The following TAS1R1 variants were observed in gnomAD, a reference collection of about 807,000 sequenced individuals.
TAS1R1 encodes taste receptor type 1 member 1.
A neutral mutation model predicts 45.8 loss-of-function variants in TAS1R1; 31 were observed. The observed-to-expected ratio is 0.68, with a 90% CI of 0.51 to 0.91. The LOEUF (loss-of-function observed/expected upper bound fraction) is 0.91. Among genes scored for constraint, TAS1R1 ranks in the 40% least tolerant of loss-of-function variants. The probability of loss-of-function intolerance (pLI) is 0.00; values close to 1 mark genes in which losing one functional copy is unlikely to be tolerated. For synonymous variants in TAS1R1, 437 were observed against 448.4 expected (o/e 0.97, Z 0.32); for missense variants, 1,051 against 1,063.9 (o/e 0.99, Z 0.17).
chr1:6,560,608 C>T (rs551489083), intron 1 of TAS1R1, among the ~76,000 whole-genome samples: 2 of 152,248 alleles, frequency 1.3e-5, no homozygotes, highest in Non-Finnish European at 2.9e-5. Flanking sequence ...GGGCCTTTGC[C>T]GGGTTGGGTC....
Position 6,575,090 on chromosome 1 carries a change from A to ATGG in TAS1R1, c.961_963dup (p.Val321dup), listed in dbSNP as rs766563597. 6.3e-7 allele frequency: 1 copy of ATGG among 1,590,414 alleles called. No homozygotes were observed. The highest frequency in any genetic ancestry group is 1.7e-5 in the Admixed American group (1 of 57,664). ...GGTGCCCGGGATCCAGCGCATTGGG[A>ATGG]TGGTGCTGGGCGTGGCCATCCAGAA... On this transcript the variant is annotated inframe_insertion, in exon 3 of 6. Coordinates refer to ENST00000333172, the MANE Select transcript of TAS1R1 (RefSeq NM_138697.4).
Position 6,576,950 on chromosome 1 carries a change from G to A in TAS1R1, c.1474G>A (p.Val492Met). 6.2e-7 allele frequency: 1 copy of A among 1,614,262 alleles called. No individual in the cohort carries two copies. The change falls in exon 5 of 6, where the codon GTG becomes ATG. Residue 492 changes from valine to methionine, a missense_variant and splice_region_variant. Coordinates refer to ENST00000333172, the MANE Select transcript of TAS1R1 (RefSeq NM_138697.4). ...KIQWHGKDNQ[V>M]PKSVCSSDCL... ...GTGTGGCCCCTCTGGCTTCTTACAG[G>A]TGCCTAAGTCTGTGTGTTCCAGCGA...
rs764801981 is a variant in TAS1R1 at position 6,571,009 on chromosome 1, C to T, written c.292C>T (p.Leu98=). 6.2e-7 allele frequency: 1 copy of T among 1,614,184 alleles called. No homozygotes were observed. The change falls in exon 2 of 6, where the codon CTG becomes TTG. Residue 98 remains leucine (L), a synonymous_variant. Coordinates refer to ENST00000333172, the MANE Select transcript of TAS1R1 (RefSeq NM_138697.4). ...CACGGCCCTGCTGCCCAACATCACC[C>T]TGGGGTACCAGCTGTATGATGTGTG... ...NSTALLPNIT[L]GYQLYDVCSD...
At chr1:6,568,614 T>G (rs1414400877) in intron 1 of TAS1R1, among the ~76,000 whole-genome samples, 1 of 152,160 alleles carries the variant, frequency 6.6e-6, no homozygotes, top group Non-Finnish European at 1.5e-5. Flanking sequence ...ATTTACAGGC[T>G]TATGGGCAGC....
chr1:6,555,786 G>GT (rs950130848), intron 1 of TAS1R1, among the ~76,000 whole-genome samples: 5 of 149,750 alleles, frequency 3.3e-5, no homozygotes, highest in Non-Finnish European at 5.9e-5. Flanking sequence ...GTGTTGTATT[G>GT]TAACTTCATT....
chr1:6,557,032 CGAA>C (rs1225981941), intron 1 of TAS1R1, among the ~76,000 whole-genome samples: 1 of 139,764 alleles, frequency 7.2e-6, no homozygotes, highest in African/African-American at 2.7e-5. Context: ...AAAAAAAAGA[CGAA>C]GACAGTTGCT....
In TAS1R1 at chr1:6,575,266, CA is replaced by C; in HGVS notation, c.1137del (p.Ala380ProfsTer4). On this transcript the variant is annotated frameshift_variant, in exon 3 of 6. Transcript: ENST00000333172. LOFTEE classifies it high-confidence loss of function. The stretch of plus-strand genomic sequence containing the variant: ...TCATGGCACACACGATGCCCAAGCT[CA>C]AAGCCTTCTCCATGAGTTCTGCCTA... ...AFMAHTMPKL[K>X]AFSMSSAYNA... 3.7e-6 allele frequency: 6 copies of C among 1,613,380 alleles called. No homozygotes were observed. Among genetic ancestry groups the C allele is most frequent in the Non-Finnish European group, 5.1e-6 (6 of 1,180,026 alleles).
chr1:6,558,198 C>A (rs770735569), intron 1 of TAS1R1, among the ~76,000 whole-genome samples: 6 of 151,846 alleles, frequency 4.0e-5, no homozygotes, highest in Non-Finnish European at 8.8e-5. Flanking sequence ...CACCACTTAC[C>A]GCTAATTTTT....
chr1:6,576,366 T>C, intron 3 of TAS1R1, 49 bp from the exon 4 acceptor site: 2 of 1,590,924 alleles, frequency 1.3e-6, no homozygotes, highest in Non-Finnish European at 1.7e-6. Context: ...TCTGGGACCA[T>C]GTGGGTCTGT....
intron 1 of TAS1R1, among the ~76,000 whole-genome samples, chr1:6,565,983 T>C (rs1639866292): frequency 6.6e-6 from 1 of 152,142 alleles, no homozygotes; most frequent in Non-Finnish European, 1.5e-5. Context: ...CTAAGTATGT[T>C]ACTGTTGGGG....
chr1:6,563,726 C>T (rs916408728), intron 1 of TAS1R1, among the ~76,000 whole-genome samples: 6 of 151,854 alleles, frequency 4.0e-5, no homozygotes, highest in East Asian at 1.9e-4. Flanking sequence ...GGTGTGGCTA[C>T]GTGGGGCAGC....
At chr1:6,564,504 G>A (rs539337211) in intron 1 of TAS1R1, among the ~76,000 whole-genome samples, 6 of 152,278 alleles carry the variant, frequency 3.9e-5, no homozygotes, top group Non-Finnish European at 7.4e-5. Context: ...TAGGGCTATG[G>A]GCAGAAGGGA....
rs1280718284 is a variant in TAS1R1, at chr1:6,560,322, A to G, written c.191+4758A>G. Among the ~76,000 whole-genome samples, 4 of 152,314 alleles carry G rather than the reference A, an allele frequency of 2.6e-5. No individual in the cohort carries two copies. In the East Asian group the frequency reaches 7.7e-4, roughly 29 times the overall value. On this transcript the variant is annotated intron_variant, in intron 1 of 5. Transcript: ENST00000333172. ...TGTAAGGTTAGCCGAGAGAAAGAAC[A>G]AGCAGACCCAAAGTCAGGCAAGCGT...
intron 1 of TAS1R1, among the ~76,000 whole-genome samples, chr1:6,569,371 C>T (rs1162899629): frequency 6.6e-6 from 1 of 152,138 alleles, no homozygotes; most frequent in Non-Finnish European, 1.5e-5. Context: ...TAAGGAATCT[C>T]GGACCACTTC....
At chr1:6,557,278 G>T (rs932620438) in intron 1 of TAS1R1, among the ~76,000 whole-genome samples, 2 of 152,068 alleles carry the variant, frequency 1.3e-5, no homozygotes, top group Non-Finnish European at 2.9e-5. Context: ...CATGAAAACC[G>T]GCTTCAGATA....
At chr1:6,557,432 A>G (rs1269164990) in intron 1 of TAS1R1, among the ~76,000 whole-genome samples, 1 of 151,846 alleles carries the variant, frequency 6.6e-6, no homozygotes, top group Non-Finnish European at 1.5e-5. Flanking sequence ...TTGTTTGTTT[A>G]TTTGTTTATT....
Position 6,574,643 on chromosome 1 carries a change from G to T in TAS1R1, c.511G>T (p.Ala171Ser). Reference sequence around the variant, plus strand: ...GGACCTCCCATAGATTAGCTATGCGGCCAGCAGCGAGACGCTCAGCGTGAA... The same window carrying T: ...GGACCTCCCATAGATTAGCTATGCGTCCAGCAGCGAGACGCTCAGCGTGAA... ...PFLVPMISYA[A>S]SSETLSVKRQ... Residue 171 changes from alanine to serine, a missense_variant, in exon 3 of 6, where the codon GCC becomes TCC. By Grantham distance (99) the Ala-to-Ser change is moderately conservative. Transcript: ENST00000333172. This position sits in a 1 kb window ranked among gnomAD's most constrained non-coding sequence, Gnocchi z 4.3. The T allele has an allele frequency of 1.2e-6, 2 of 1,604,572 alleles. No individual in the cohort carries two copies. Among genetic ancestry groups the T allele is most frequent in the South Asian group, 2.2e-5 (2 of 89,718 alleles).
At chr1:6,578,013 C>G (rs1006216258) in intron 5 of TAS1R1, among the ~76,000 whole-genome samples, 2 of 152,232 alleles carry the variant, frequency 1.3e-5, no homozygotes, top group Non-Finnish European at 2.9e-5. Context: ...CTTCTGTTGC[C>G]CATGCCAAAG....
intron 1 of TAS1R1, 110 bp downstream of exon 1, chr1:6,555,674 T>TC: frequency 1.9e-6 from 2 of 1,029,428 alleles, no homozygotes; most frequent in East Asian, 2.6e-5. Context: ...CCTTGAACTG[T>TC]CCCCAGGCCT....
Sources: gnomAD v4.1 joint callset for allele counts (sites outside exome capture counted in the v4.1 genomes callset) on GRCh38, gnomAD v4.1.1 for gene constraint, Gnocchi (gnomAD v3.1) non-coding constraint, MANE v1.5 for transcripts, NCBI Gene and HGNC (gene_info 2026-07-23, HGNC 2026-07-21) for gene names.